Variants in CELF2 observed in about 807,000 individuals in gnomAD.
CELF2 encodes CUGBP Elav-like family member 2.
CELF2 carries 8 observed loss-of-function variants against 62.6 expected under a neutral mutation model. The ratio of observed to expected loss-of-function variants is 0.13; its 90% CI spans 0.07 to 0.23. The LOEUF is 0.23. CELF2 is among the 10% of genes least tolerant of loss of function. The pLI is 1.00. For missense variants in CELF2, 333 were observed against 671.0 expected, an observed-to-expected ratio of 0.50 and a Z score of 5.56; for synonymous variants, 258 against 250.0, an observed-to-expected ratio of 1.03 and a Z score of -0.30.
At position 11,315,689 on chromosome 10, in the gene CELF2, G is replaced by T. The variant is rs2094914072; in HGVS notation, c.1096+1431G>T. Among the ~76,000 whole-genome samples, 1 of 152,216 alleles carries T rather than the reference G, an allele frequency of 6.6e-6. No individual in the cohort carries two copies. The highest frequency in any genetic ancestry group is 2.4e-5 in the African/African-American group (1 of 41,448). On this transcript the variant is annotated intron_variant, in intron 10 of 12. Coordinates refer to ENST00000633077, the MANE Select transcript of CELF2 (RefSeq NM_001326342.2). This position sits in a 1 kb window ranked among gnomAD's most constrained non-coding sequence, Gnocchi z 5.8. Reference sequence around the variant, plus strand: ...TGATTAGCGTGGAGCCCGTGAAGTGGTAGCTGTGCCGCGGCCTCATTGTTT... The same window carrying T: ...TGATTAGCGTGGAGCCCGTGAAGTGTTAGCTGTGCCGCGGCCTCATTGTTT...
rs1307419258 is a variant in CELF2, at chr10:11,117,552, C to G, written c.75-47934C>G. 6.6e-6 allele frequency among the ~76,000 whole-genome samples: 1 copy of G among 152,102 alleles called. No individual in the cohort carries two copies. The highest frequency in any genetic ancestry group is 1.5e-5 in the Non-Finnish European group (1 of 68,016). On this transcript the variant is annotated intron_variant, in intron 1 of 12. Transcript: ENST00000633077. The surrounding 1 kb of genome is among the most constrained non-coding windows in gnomAD (Gnocchi z 4.1). ...ATCTTGAGGTGTTGTTATACAGCCT[C>G]TTAGGGGTTTTTATGTCTGACTCCA...
the CELF2 span, among the ~76,000 whole-genome samples, chr10:10,688,538 A>C: frequency 1.3e-5 from 2 of 152,360 alleles, no homozygotes; most frequent in Admixed American, 6.5e-5. Context: ...ATGCATGTCC[A>C]GTACAGAGAA....
intron 1 of CELF2, among the ~76,000 whole-genome samples, chr10:11,058,476 T>C (rs2140346024): frequency 6.8e-6 from 1 of 146,586 alleles, no homozygotes. Context: ...TTTTTTTTTT[T>C]TTTTTTTTGT....
At position 11,012,065 on chromosome 10, in the gene CELF2, A is replaced by C. The variant is rs574815109; in HGVS notation, c.53+6625A>C. Among the ~76,000 whole-genome samples, 1 of 152,314 alleles carries C rather than the reference A, an allele frequency of 6.6e-6. No individual in the cohort carries two copies. Among genetic ancestry groups the C allele is most frequent in the East Asian group, 1.9e-4 (1 of 5,180 alleles). ...ATTCATCTCTATTAGGAAGTACGGA[A>C]TGGCCACGCTTAAGAAGAAAGGTCT... On this transcript the variant is annotated intron_variant, in intron 1 of 12. Coordinates refer to the CELF2 transcript ENST00000416382. The surrounding 1 kb of genome is among the most constrained non-coding windows in gnomAD (Gnocchi z 5.5).
At chr10:11,118,641 C>G (rs1195051411) in intron 1 of CELF2, among the ~76,000 whole-genome samples, 2 of 152,146 alleles carry the variant, frequency 1.3e-5, no homozygotes, top group Admixed American at 6.5e-5. Context: ...AAGTTACTGA[C>G]TTTGGGGTTC....
intron 1 of CELF2, among the ~76,000 whole-genome samples, chr10:10,845,832 C>T (rs1039028602): frequency 6.6e-6 from 1 of 152,044 alleles, no homozygotes; most frequent in African/African-American, 2.4e-5. Flanking sequence ...TTCCCCATAC[C>T]TGCTGGATTA....
the CELF2 span, among the ~76,000 whole-genome samples, chr10:10,746,920 T>G: frequency 6.6e-6 from 1 of 152,342 alleles, no homozygotes; most frequent in Non-Finnish European, 1.5e-5. Flanking sequence ...GGTGTCACCA[T>G]GTGTTAGACA....
At chr10:10,951,801 GC>G (rs1204626586) in intron 2 of CELF2, 1 of 152,340 alleles carries the variant, frequency 6.6e-6, no homozygotes, top group African/African-American at 2.4e-5. Flanking sequence ...CCCACCCCCA[GC>G]CTTTCTCCTC....
intron 1 of CELF2, among the ~76,000 whole-genome samples, chr10:11,093,194 T>C (rs2048808542): frequency 6.6e-6 from 1 of 152,168 alleles, no homozygotes; most frequent in Non-Finnish European, 1.5e-5. Flanking sequence ...CATGCTGCTC[T>C]CAATCATTTG....
chr10:10,842,832 C>T (rs2058768192), intron 1 of CELF2, among the ~76,000 whole-genome samples: 1 of 151,976 alleles, frequency 6.6e-6, no homozygotes, highest in East Asian at 1.9e-4. Flanking sequence ...ACTTTCTTTG[C>T]TTCTATTTTC....
chr10:10,740,097 C>T, the CELF2 span, among the ~76,000 whole-genome samples: 31 of 146,714 alleles, frequency 2.1e-4, no homozygotes, highest in East Asian at 6.0e-3. Context: ...GTTTCCTTTG[C>T]TATGCAGAAG....
chr10:11,197,052 A>AGAAGGAAAGAAAGAAG (rs1565233002), intron 2 of CELF2, among the ~76,000 whole-genome samples: 2 of 31,620 alleles, frequency 6.3e-5, no homozygotes, highest in African/African-American at 2.6e-4. Flanking sequence ...AAAGAAAGAA[A>AGAAGGAAAGAAAGAAG]GAAAGAAAAG....
intron 1 of CELF2, among the ~76,000 whole-genome samples, chr10:11,034,448 T>G (rs1214021007): frequency 6.6e-6 from 1 of 152,144 alleles, no homozygotes; most frequent in African/African-American, 2.4e-5. Context: ...AAGAAACTGT[T>G]AATTTTTATT....
chr10:11,165,329 T>G lies in CELF2; in HGVS notation c.75-157T>G. 7.1e-7 allele frequency: 1 copy of G among 1,418,058 alleles called. No homozygotes were observed. The highest frequency in any genetic ancestry group is 9.2e-7 in the Non-Finnish European group (1 of 1,088,888). The allele number at this position is 1,418,058 out of a possible 1,614,324, so 87.8% of individuals were successfully genotyped here. On this transcript the variant is annotated intron_variant, in intron 1 of 12. Coordinates refer to ENST00000633077, the MANE Select transcript of CELF2 (RefSeq NM_001326342.2). This position sits in a 1 kb window ranked among gnomAD's most constrained non-coding sequence, Gnocchi z 7.4. ...AGGAGCAACTCATGGTGCCTCCGCTTTGTTTTAGTTCATCAAATTTCTACG... is the reference window on the plus strand; with the variant it reads ...AGGAGCAACTCATGGTGCCTCCGCTGTGTTTTAGTTCATCAAATTTCTACG...
At chr10:10,624,291 C>G in the CELF2 span, among the ~76,000 whole-genome samples, 1 of 152,190 alleles carries the variant, frequency 6.6e-6, no homozygotes, top group Admixed American at 6.6e-5. Flanking sequence ...TTTTTACAGT[C>G]CTCAACTAGA....
the CELF2 span, among the ~76,000 whole-genome samples, chr10:10,501,810 A>G: frequency 6.6e-6 from 1 of 152,186 alleles, no homozygotes; most frequent in Non-Finnish European, 1.5e-5. Context: ...ACTATGTTGA[A>G]TAAGAGTGGT....
chr10:10,984,588 G>A (rs1460812132), intron 2 of CELF2, among the ~76,000 whole-genome samples: 1 of 152,136 alleles, frequency 6.6e-6, no homozygotes, highest in East Asian at 1.9e-4. Context: ...TCAGTTGCAT[G>A]TACTCAAGCG....
At chr10:10,849,558 A>G (rs991741656) in intron 1 of CELF2, among the ~76,000 whole-genome samples, 4 of 152,174 alleles carry the variant, frequency 2.6e-5, no homozygotes, top group Non-Finnish European at 4.4e-5. Flanking sequence ...ACTGAGTTAC[A>G]GATCTGATGC....
the CELF2 span, among the ~76,000 whole-genome samples, chr10:10,593,548 A>G: frequency 6.6e-6 from 1 of 152,212 alleles, no homozygotes; most frequent in Non-Finnish European, 1.5e-5. Context: ...CACACTTAAT[A>G]TGAGAGAAGA....
Sources: allele counts gnomAD v4.1 joint callset (sites outside exome capture counted in the v4.1 genomes callset), GRCh38; gene constraint gnomAD v4.1.1; non-coding constraint Gnocchi (gnomAD v3.1); transcripts MANE v1.5; gene names NCBI Gene and HGNC (gene_info 2026-07-23, HGNC 2026-07-21).